The following SRRM3 variants were observed in gnomAD, a reference collection of about 807,000 sequenced individuals.
SRRM3 encodes the protein serine/arginine repetitive matrix protein 3.
A neutral mutation model predicts 66.2 loss-of-function variants in SRRM3; 27 were observed. The observed-to-expected ratio is 0.41, with a 90% confidence interval of 0.30 to 0.56. The LOEUF is 0.56. SRRM3 is among the 20% of genes least tolerant of loss of function. The probability of loss-of-function intolerance (pLI) is 0.32; values close to 1 mark genes in which losing one functional copy is unlikely to be tolerated. For synonymous variants in SRRM3, 391 were observed against 414.9 expected, an observed-to-expected ratio of 0.94 and a Z score of 0.70; for missense variants, 918 against 991.9, an observed-to-expected ratio of 0.93 and a Z score of 1.00.
Position 76,250,322 on chromosome 7 carries a change from C to T in SRRM3, c.335+2033C>T, listed in dbSNP as rs929482847. ...TCTCAGCTCACTGCAACCTCTGCCCCCCGGGTTCAAGCAATTCTCCTGCCT... is the reference window on the plus strand; with the variant it reads ...TCTCAGCTCACTGCAACCTCTGCCCTCCGGGTTCAAGCAATTCTCCTGCCT... On this transcript the variant is annotated intron_variant, in intron 3 of 14. Transcript: ENST00000611745. 2.6e-5 allele frequency among the ~76,000 whole-genome samples: 4 copies of T among 152,158 alleles called. No homozygotes were observed. The South Asian group carries it at 8.3e-4, about 32-fold the overall frequency.
chr7:76,239,485 G>T (rs1285714466), intron 2 of SRRM3, among the ~76,000 whole-genome samples: 1 of 151,974 alleles, frequency 6.6e-6, no homozygotes, highest in Non-Finnish European at 1.5e-5. Flanking sequence ...TTGAGCCCAG[G>T]AGTTTGAGAC....
At chr7:76,217,429 C>T (rs553946888) in intron 1 of SRRM3, among the ~76,000 whole-genome samples, 22 of 152,272 alleles carry the variant, frequency 1.4e-4, no homozygotes, top group Non-Finnish European at 3.2e-4. Flanking sequence ...GAATTACAGG[C>T]GTCTGCCACC....
intron 11 of SRRM3, among the ~76,000 whole-genome samples, chr7:76,277,474 G>A (rs552910494): frequency 2.7e-4 from 41 of 151,968 alleles, no homozygotes; most frequent in Admixed American, 1.8e-3. Flanking sequence ...CAGGTGGATC[G>A]CTTGAGGCCA....
chr7:76,279,563 A>G (rs782669393), intron 11 of SRRM3, among the ~76,000 whole-genome samples: 6 of 139,536 alleles, frequency 4.3e-5, no homozygotes, highest in East Asian at 2.4e-4. Flanking sequence ...CTGTGTAGGG[A>G]GGGAGACAGG....
chr7:76,255,180 A>T (rs1801683444), intron 3 of SRRM3, among the ~76,000 whole-genome samples: 2 of 93,108 alleles, frequency 2.1e-5, no homozygotes, highest in African/African-American at 4.2e-5. Context: ...GATGGAATCT[A>T]GCTCTTTCAC....
intron 11 of SRRM3, among the ~76,000 whole-genome samples, chr7:76,276,198 T>TTCACTCAC (rs1298911337): frequency 6.6e-6 from 1 of 152,048 alleles, no homozygotes; most frequent in African/African-American, 2.4e-5. Context: ...AGGTCCCTGA[T>TTCACTCAC]TCACTCACTC....
chr7:76,273,237 C>G (rs1340918199), intron 11 of SRRM3: 2 of 152,338 alleles, frequency 1.3e-5, no homozygotes, highest in African/African-American at 2.4e-5. Context: ...CATCCCTCTC[C>G]CCCGGCATGG....
Position 76,235,227 on chromosome 7 carries a change from T to A in SRRM3, c.161T>A (p.Ile54Asn), listed in dbSNP as rs1341871216. ...CTGGTGAAGCGCGCGCACCGCGAGA[T>A]CCTGGACCACGAGCGCAAGCGGCGG... Reference protein sequence around the residue: ...PGLVKRAHREILDHERKRRVE... With the variant: ...PGLVKRAHRENLDHERKRRVE... The change falls in exon 2 of 15, where the codon ATC becomes AAC. Residue 54 changes from isoleucine to asparagine, a missense_variant. Physicochemically the swap from Ile to Asn is moderately radical, Grantham distance 149. Coordinates refer to ENST00000611745, the MANE Select transcript of SRRM3 (RefSeq NM_001110199.3). The A allele has an allele frequency of 7.7e-6, 12 of 1,555,046 alleles. No individual in the cohort carries two copies. The highest frequency in any genetic ancestry group is 1.2e-5 in the South Asian group (1 of 85,406).
chr7:76,282,765 C>A lies in SRRM3; in HGVS notation c.1488C>A (p.Pro496=), dbSNP rs782004941. The change falls in exon 13 of 15, where the codon CCC becomes CCA. Residue 496 remains proline (P), a synonymous_variant. Coordinates refer to ENST00000611745, the MANE Select transcript of SRRM3 (RefSeq NM_001110199.3). The stretch of plus-strand genomic sequence containing the variant: ...CGTCGCGCAGCCCCGGCCCGCACCC[C>A]CGCTCCTGGAGCTCCAGCCGCTCGC... ...KSSSRSPGPH[P]RSWSSSRSPS... 5.5e-5 allele frequency: 80 copies of A among 1,465,332 alleles called. No individual in the cohort carries two copies. The African/African-American group carries it at 1.0e-3, about 19-fold the overall frequency. 90.8% of individuals were successfully genotyped at this position (1,465,332 alleles called of 1,614,324 possible).
At chr7:76,248,095 CCA>C (rs1554606344) in intron 2 of SRRM3, 91 bp from the exon 3 acceptor site, 11 of 942,150 alleles carry the variant, frequency 1.2e-5, no homozygotes, top group Non-Finnish European at 1.8e-5. Context: ...CACTTGTGAC[CCA>C]GGGGTTGGCG....
chr7:76,234,890 T>C (rs3807880), intron 1 of SRRM3, 138 bp from the exon 2 acceptor site: 183,421 of 603,598 alleles, frequency 0.3, 32,585 homozygotes, highest in East Asian at 0.61. Flanking sequence ...AGCCGTCCGC[T>C]TCCCTCTGCA....
Position 76,261,391 on chromosome 7 carries a change from T to G in SRRM3, c.615T>G (p.Ser205Arg). 6.3e-7 allele frequency: 1 copy of G among 1,579,058 alleles called. No homozygotes were observed. The highest frequency in any genetic ancestry group is 1.1e-5 in the South Asian group (1 of 89,502). ...CACCCCTCCGCAAGAAGAAGAAGAG[T>G]GTGAAGAAGCATCGCCGAGACAGGT... ...SSSPLRKKKK[S>R]VKKHRRDRSD... is the part of the protein sequence containing the mutation. The change falls in exon 7 of 15, where the codon AGT becomes AGG. Residue 205 changes from serine (S) to arginine (R), a missense_variant. Coordinates refer to ENST00000611745, the MANE Select transcript of SRRM3 (RefSeq NM_001110199.3).
chr7:76,234,543 G>T (rs144954013), intron 1 of SRRM3, among the ~76,000 whole-genome samples: 14 of 152,266 alleles, frequency 9.2e-5, no homozygotes, highest in African/African-American at 3.1e-4. Flanking sequence ...GGCTGCCCTG[G>T]GAGCAGACTG....
At chr7:76,284,855 T>C (rs2117126684) in intron 14 of SRRM3, among the ~76,000 whole-genome samples, 1 of 151,926 alleles carries the variant, frequency 6.6e-6, no homozygotes, top group East Asian at 1.9e-4. Flanking sequence ...GAGTGAGGAG[T>C]GGGGCCGGCG....
At chr7:76,230,181 G>A (rs1222269815) in intron 1 of SRRM3, among the ~76,000 whole-genome samples, 1 of 152,164 alleles carries the variant, frequency 6.6e-6, no homozygotes, top group Non-Finnish European at 1.5e-5. Flanking sequence ...CCAGTCAATA[G>A]TGAACATATT....
At chr7:76,220,353 C>T (rs898134312) in intron 1 of SRRM3, among the ~76,000 whole-genome samples, 9 of 152,192 alleles carry the variant, frequency 5.9e-5, no homozygotes, top group Admixed American at 2.6e-4. Flanking sequence ...AGCAGTCTTG[C>T]AGGAAGGGTA....
At chr7:76,266,424 CTA>C (rs1168664519) in intron 10 of SRRM3, among the ~76,000 whole-genome samples, 1 of 99,938 alleles carries the variant, frequency 1.0e-5, no homozygotes, top group African/African-American at 4.3e-5. Context: ...ATTTATATAT[CTA>C]TATATAAATA....
At chr7:76,255,143 TC>T (rs782644234) in intron 3 of SRRM3, among the ~76,000 whole-genome samples, 5,979 of 108,460 alleles carry the variant, frequency 0.055, 497 homozygotes, top group African/African-American at 0.16. Flanking sequence ...TTTCTTTCTT[TC>T]TTTCTTTTTT....
intron 1 of SRRM3, among the ~76,000 whole-genome samples, chr7:76,209,719 C>T (rs112024557): frequency 1.1e-3 from 160 of 152,010 alleles, no homozygotes; most frequent in African/African-American, 3.6e-3. Flanking sequence ...ATTCTCTTGC[C>T]TCAGCCTTCC....
Sources: allele counts gnomAD v4.1 joint callset (sites outside exome capture counted in the v4.1 genomes callset), GRCh38; gene constraint gnomAD v4.1.1; transcripts MANE v1.5; gene names NCBI Gene and HGNC (gene_info 2026-07-23, HGNC 2026-07-21).